The following ASPH variants were observed in gnomAD, a reference collection of about 807,000 sequenced individuals.
ASPH encodes aspartate beta-hydroxylase.
Under a neutral mutation model 118.4 loss-of-function variants are expected in ASPH, and 100 were observed. That is an observed-to-expected ratio of 0.84 (90% CI 0.72 to 1.00). The LOEUF (loss-of-function observed/expected upper bound fraction) is 1.00, where lower values mean the gene tolerates loss of function less well. Ranked by LOEUF, ASPH falls within the 50% of genes least tolerant of loss-of-function variation. The pLI is 0.00. For missense variants in ASPH, 920 were observed against 919.5 expected (o/e 1.00, Z -0.01); for synonymous variants, 315 against 325.6 (o/e 0.97, Z 0.35).
At chr8:61,568,969 C>T (rs146154830) in intron 16 of ASPH, among the ~76,000 whole-genome samples, 70 of 152,100 alleles carry the variant, frequency 4.6e-4, no homozygotes, top group Admixed American at 1.3e-3. Context: ...CAAGGAGATG[C>T]AAGAGACTCA....
At chr8:61,697,159 T>G (rs889099117) in intron 1 of ASPH, among the ~76,000 whole-genome samples, 3 of 152,184 alleles carry the variant, frequency 2.0e-5, no homozygotes, top group African/African-American at 7.2e-5. Flanking sequence ...ATCCTGTAAA[T>G]TATAAAACAC....
intron 13 of ASPH, among the ~76,000 whole-genome samples, chr8:61,630,915 A>G (rs949034216): frequency 6.6e-6 from 1 of 152,178 alleles, no homozygotes; most frequent in Non-Finnish European, 1.5e-5. Context: ...GTTATTACAC[A>G]TGAAGACCTT....
At chr8:61,671,907 T>A (rs995027188) in intron 3 of ASPH, among the ~76,000 whole-genome samples, 2 of 152,252 alleles carry the variant, frequency 1.3e-5, no homozygotes, top group African/African-American at 4.8e-5. Flanking sequence ...GCATTACAGA[T>A]ACACAAGTAG....
chr8:61,512,444 A>T (rs1347483637), intron 24 of ASPH, among the ~76,000 whole-genome samples: 11 of 152,200 alleles, frequency 7.2e-5, no homozygotes, highest in Admixed American at 7.2e-4. Flanking sequence ...ACCAAAGAAC[A>T]CCAAGGGCTG....
intron 3 of ASPH, chr8:61,675,925 C>A: frequency 2.0e-6 from 3 of 1,479,908 alleles, no homozygotes; most frequent in Non-Finnish European, 2.7e-6. Context: ...TAGCTAGTAG[C>A]TGTACTGGGC....
chr8:61,638,760 CCT>C (rs1287542358), intron 10 of ASPH, among the ~76,000 whole-genome samples: 3 of 152,138 alleles, frequency 2.0e-5, no homozygotes, highest in East Asian at 1.9e-4. Context: ...GCCGCCAGCC[CCT>C]GAGAATGAAG....
In ASPH at chr8:61,625,382, GC is replaced by G. The variant is rs1207369921; in HGVS notation, c.935-6364del. On this transcript the variant is annotated intron_variant, in intron 13 of 24. Coordinates refer to ENST00000379454, the MANE Select transcript of ASPH (RefSeq NM_004318.4). ...GTAAGAGCACTGAGCGGTCTCTAGT[GC>G]TGGAGGGGAATTACTCAATTAGCCA... 3.0e-6 allele frequency: 3 copies of G among 985,622 alleles called. No individual in the cohort carries two copies. In the African/African-American group the frequency reaches 5.2e-5, roughly 17 times the overall value. 61.1% of individuals were successfully genotyped at this position (985,622 alleles called of 1,614,324 possible).
At chr8:61,675,892 G>T in intron 3 of ASPH, 2 of 1,398,354 alleles carry the variant, frequency 1.4e-6, no homozygotes, top group East Asian at 2.5e-5. Flanking sequence ...ATAGAAGTTG[G>T]GGGAGCTGAG....
At chr8:61,702,256 A>G (rs1483815034) in intron 1 of ASPH, among the ~76,000 whole-genome samples, 1 of 150,990 alleles carries the variant, frequency 6.6e-6, no homozygotes, top group African/African-American at 2.4e-5. Context: ...AAAGGTTCCA[A>G]TGAGTTTTAC....
chr8:61,643,890 C>T (rs534536621), intron 8 of ASPH, 55 bp downstream of exon 8: 2 of 1,421,772 alleles, frequency 1.4e-6, no homozygotes, highest in East Asian at 2.3e-5. Flanking sequence ...ATAAAACGGC[C>T]TTGGCCACTG....
rs776772629 is a variant in ASPH, at chr8:61,626,280, T to G, written c.935-7261A>C. The G allele has an allele frequency of 3.2e-6, 5 of 1,564,276 alleles. No homozygotes were observed. In the South Asian group the frequency reaches 6.1e-5, roughly 19 times the overall value. ...GGCAGTCTTTTTGAAGCTTTAAGTA[T>G]CTGCAAAAATAAGGGGAAATCTAAA... On this transcript the variant is annotated intron_variant, in intron 13 of 24. Coordinates refer to ENST00000379454, the MANE Select transcript of ASPH (RefSeq NM_004318.4).
At chr8:61,535,838 T>C (rs1229447264) in intron 21 of ASPH, among the ~76,000 whole-genome samples, 1 of 152,196 alleles carries the variant, frequency 6.6e-6, no homozygotes, top group Non-Finnish European at 1.5e-5. Context: ...GGGATCCCCC[T>C]GGGTGCTGAG....
chr8:61,599,553 G>A (rs1843380152), intron 14 of ASPH, among the ~76,000 whole-genome samples: 1 of 141,748 alleles, frequency 7.1e-6, no homozygotes, highest in African/African-American at 2.6e-5. Context: ...AAGGAGAGAA[G>A]ACCCAAATAA....
chr8:61,512,278 A>G (rs1008980545), intron 24 of ASPH, among the ~76,000 whole-genome samples: 4 of 152,198 alleles, frequency 2.6e-5, no homozygotes, highest in Non-Finnish European at 5.9e-5. Flanking sequence ...AGATCTTTGC[A>G]GATTGAATTA....
chr8:61,516,017 C>T (rs767008645), intron 24 of ASPH, among the ~76,000 whole-genome samples: 6 of 152,156 alleles, frequency 3.9e-5, no homozygotes, highest in Non-Finnish European at 7.3e-5. Flanking sequence ...GATTCAAAGC[C>T]TCCTATGATT....
intron 16 of ASPH, among the ~76,000 whole-genome samples, chr8:61,571,178 A>G (rs1833375455): frequency 6.6e-6 from 1 of 152,220 alleles, no homozygotes; most frequent in Admixed American, 6.5e-5. Context: ...ATTAAAATTT[A>G]ATTTACCATG....
At chr8:61,663,559 A>G in intron 3 of ASPH, 1 of 985,398 alleles carries the variant, frequency 1.0e-6, no homozygotes, top group Non-Finnish European at 1.2e-6. Context: ...CTTGGGATCT[A>G]GTCATCTGAA....
At chr8:61,504,958 G>C (rs1805864132) in intron 24 of ASPH, among the ~76,000 whole-genome samples, 1 of 151,854 alleles carries the variant, frequency 6.6e-6, no homozygotes, top group South Asian at 2.1e-4. Context: ...CCTCCACCCA[G>C]TGTGCTATCT....
intron 1 of ASPH, among the ~76,000 whole-genome samples, chr8:61,707,234 G>A (rs572842992): frequency 1.0e-4 from 15 of 148,186 alleles, no homozygotes; most frequent in African/African-American, 3.6e-4. Flanking sequence ...AAAGGTTCAG[G>A]ATATTAAAAA....
Sources: allele counts gnomAD v4.1 joint callset (sites outside exome capture counted in the v4.1 genomes callset), GRCh38; gene constraint gnomAD v4.1.1; transcripts MANE v1.5; gene names NCBI Gene and HGNC (gene_info 2026-07-23, HGNC 2026-07-21).